Variants in TPO observed in about 807,000 individuals in gnomAD.
TPO encodes the protein thyroid microsomal antigen.
Under a neutral mutation model 96.9 loss-of-function variants are expected in TPO, and 78 were observed. The ratio of observed to expected loss-of-function variants is 0.81; its 90% CI spans 0.67 to 0.97. TPO has a LOEUF of 0.97. TPO is among the 50% of genes least tolerant of loss of function. The pLI is 0.00. For synonymous variants in TPO, 547 were observed against 538.0 expected, an observed-to-expected ratio of 1.02 and a Z score of -0.23; for missense variants, 1,252 against 1,274.8, an observed-to-expected ratio of 0.98 and a Z score of 0.27.
chr2:1,421,264 G>A (rs973907930), intron 2 of TPO, among the ~76,000 whole-genome samples: 2 of 152,178 alleles, frequency 1.3e-5, no homozygotes, highest in African/African-American at 2.4e-5. Flanking sequence ...ATCCTAAGAC[G>A]TAACTCTGTG....
At chr2:1,500,446 A>G (rs1017643242) in intron 13 of TPO, among the ~76,000 whole-genome samples, 2 of 152,242 alleles carry the variant, frequency 1.3e-5, no homozygotes, top group African/African-American at 4.8e-5. Context: ...GAGAATCACA[A>G]GGGAAAAAAC....
chr2:1,382,962 G>A (rs1446644616), intron 1 of TPO, among the ~76,000 whole-genome samples: 1 of 145,366 alleles, frequency 6.9e-6, no homozygotes, highest in Non-Finnish European at 1.5e-5. Flanking sequence ...ACCTATGAGT[G>A]AGAACATACA....
At chr2:1,511,994 T>G (rs912390864) in intron 14 of TPO, among the ~76,000 whole-genome samples, 3 of 152,256 alleles carry the variant, frequency 2.0e-5, no homozygotes, top group African/African-American at 7.2e-5. Flanking sequence ...GTTTTAGTTT[T>G]TGTCCTGAGA....
chr2:1,479,183 C>T (rs1670298921), intron 8 of TPO, among the ~76,000 whole-genome samples: 1 of 152,222 alleles, frequency 6.6e-6, no homozygotes, highest in South Asian at 2.1e-4. Flanking sequence ...TCTGGACTTC[C>T]GGCCACACGC....
At chr2:1,521,799 C>A (rs1281865354) in intron 15 of TPO, among the ~76,000 whole-genome samples, 8 of 152,014 alleles carry the variant, frequency 5.3e-5, no homozygotes, top group African/African-American at 1.9e-4. Flanking sequence ...TCCTTAGAGA[C>A]CCACGTCTGC....
intron 1 of TPO, among the ~76,000 whole-genome samples, chr2:1,400,610 T>C (rs1294856888): frequency 8.0e-6 from 1 of 124,350 alleles, no homozygotes; most frequent in East Asian, 2.3e-4. Flanking sequence ...GACTTTACAT[T>C]ACATGCGTCT....
At chr2:1,530,076 A>G (rs1423294288) in intron 15 of TPO, among the ~76,000 whole-genome samples, 1 of 134,802 alleles carries the variant, frequency 7.4e-6, no homozygotes, top group Non-Finnish European at 1.5e-5. Context: ...CACTCTGTGC[A>G]ACCTCCTCAA....
intron 15 of TPO, among the ~76,000 whole-genome samples, chr2:1,536,868 C>T (rs577586928): frequency 8.1e-5 from 11 of 135,758 alleles, no homozygotes; most frequent in South Asian, 5.1e-4. Flanking sequence ...TCAACCTCCC[C>T]GAATACCCAC....
intron 1 of TPO, among the ~76,000 whole-genome samples, chr2:1,384,778 C>T (rs1246851671): frequency 2.6e-5 from 4 of 152,136 alleles, no homozygotes; most frequent in African/African-American, 7.2e-5. Flanking sequence ...GAGGGCATCC[C>T]TGTCTTGTGC....
At chr2:1,523,385 T>C (rs1227514226) in intron 15 of TPO, among the ~76,000 whole-genome samples, 2 of 55,814 alleles carry the variant, frequency 3.6e-5, no homozygotes, top group African/African-American at 7.3e-5. Context: ...CCCAAATACC[T>C]CCCATTGTGT....
chr2:1,497,141 C>G (rs28912969), intron 13 of TPO, among the ~76,000 whole-genome samples: 7,023 of 152,298 alleles, frequency 0.046, 564 homozygotes, highest in African/African-American at 0.16. Flanking sequence ...GCCTCCACCT[C>G]CACCTCCTAC....
In TPO at chr2:1,516,923, G is replaced by C. The variant is rs767749583; in HGVS notation, c.2559G>C (p.Ser853=). Residue 853 remains serine (S), a synonymous_variant, in exon 15 of 17, where the codon TCG becomes TCC. Transcript: ENST00000329066. The stretch of plus-strand genomic sequence containing the variant: ...CTCGGGTGACTTGGATCTCCATGTC[G>C]CTGGCTGCTCTGCTGATCGGAGGCT... ...RLPRVTWISM[S]LAALLIGGFA... 1.2e-6 allele frequency: 2 copies of C among 1,613,950 alleles called. No homozygotes were observed.
intron 11 of TPO, 121 bp from the exon 12 acceptor site, chr2:1,495,868 G>A: frequency 8.8e-7 from 1 of 1,140,716 alleles, no homozygotes; most frequent in South Asian, 1.4e-5. Context: ...CGGGTGCTGG[G>A]GGTCTGGGCA....
intron 1 of TPO, among the ~76,000 whole-genome samples, chr2:1,401,533 C>T (rs779738021): frequency 4.6e-5 from 7 of 152,142 alleles, no homozygotes; most frequent in Non-Finnish European, 1.0e-4. Flanking sequence ...TGACACTACC[C>T]ACCAGGCAGC....
At chr2:1,419,762 G>A (rs566123176) in intron 2 of TPO, among the ~76,000 whole-genome samples, 26 of 152,358 alleles carry the variant, frequency 1.7e-4, no homozygotes, top group African/African-American at 6.0e-4. Context: ...GTGCAGCAGA[G>A]TTCTAACGAT....
At chr2:1,409,650 G>T (rs1046466920), upstream of TPO, among the ~76,000 whole-genome samples, 1 of 152,084 alleles carries the variant, frequency 6.6e-6, no homozygotes, top group African/African-American at 2.4e-5. Flanking sequence ...TTTTCCATCT[G>T]CATCCTTTCC....
At chr2:1,478,041 G>A in intron 8 of TPO, 5 of 985,476 alleles carry the variant, frequency 5.1e-6, no homozygotes, top group Non-Finnish European at 6.0e-6. Context: ...CCTTGGAGGT[G>A]GGTGGACCAG....
chr2:1,458,856 T>C (rs764817480), intron 7 of TPO, among the ~76,000 whole-genome samples: 5 of 152,198 alleles, frequency 3.3e-5, no homozygotes, highest in Non-Finnish European at 7.3e-5. Context: ...CCACTTTCCC[T>C]ATTAATGAGC....
intron 1 of TPO, among the ~76,000 whole-genome samples, chr2:1,403,867 A>C (rs1431655162): frequency 6.6e-6 from 1 of 152,200 alleles, no homozygotes; most frequent in Non-Finnish European, 1.5e-5. Context: ...GGCAGCATGG[A>C]AACGGTGGCT....
Sources: allele counts gnomAD v4.1 joint callset (sites outside exome capture counted in the v4.1 genomes callset), GRCh38; gene constraint gnomAD v4.1.1; transcripts MANE v1.5; gene names NCBI Gene and HGNC (gene_info 2026-07-23, HGNC 2026-07-21).